LFNG: variants seen among roughly 807,000 people sequenced by gnomAD.
The protein encoded by LFNG is LFNG O-fucosylpeptide 3-beta-N-acetylglucosaminyltransferase, also known as beta-1,3-N-acetylglucosaminyltransferase lunatic fringe.
A neutral mutation model predicts 32.7 loss-of-function variants in LFNG; 15 were observed. The ratio of observed to expected loss-of-function variants is 0.46; its 90% CI spans 0.31 to 0.71. The LOEUF (loss-of-function observed/expected upper bound fraction) is 0.71, where lower values mean the gene tolerates loss of function less well. LFNG is among the 30% of genes least tolerant of loss of function. The pLI is 0.06. For synonymous variants in LFNG, 274 were observed against 246.8 expected (o/e 1.11, Z -1.03); for missense variants, 520 against 545.7 (o/e 0.95, Z 0.47).
chr7:2,525,982 G>T (rs528427835), intron 5 of LFNG, among the ~76,000 whole-genome samples: 1 of 152,304 alleles, frequency 6.6e-6, no homozygotes, highest in South Asian at 2.1e-4. Flanking sequence ...AGCAGCCAGG[G>T]GGGCGATGAG....
At chr7:2,528,700 G>T (rs2128378893), downstream of LFNG, among the ~76,000 whole-genome samples, 1 of 152,312 alleles carries the variant, frequency 6.6e-6, no homozygotes, top group Admixed American at 6.5e-5. Flanking sequence ...GGATGCTGGG[G>T]GCTCTAGGTC....
At chr7:2,516,655 C>T (rs1172438766), upstream of LFNG, among the ~76,000 whole-genome samples, 1 of 152,200 alleles carries the variant, frequency 6.6e-6, no homozygotes, top group African/African-American at 2.4e-5. Flanking sequence ...CGTGGGCCTG[C>T]TTTCCACCTG....
At chr7:2,518,611 G>A (rs202093877), upstream of LFNG, 202 of 1,611,012 alleles carry the variant, frequency 1.3e-4, no homozygotes, top group Non-Finnish European at 1.6e-4. Flanking sequence ...AAGGAGAGGG[G>A]CTCCAAGGGC....
chr7:2,527,355 C>T lies in LFNG; in HGVS notation c.*143C>T. The T allele has an allele frequency of 7.2e-6, 10 of 1,396,812 alleles. No homozygotes were observed. The highest frequency in any genetic ancestry group is 1.4e-5 in the South Asian group (1 of 70,514). 86.5% of individuals were successfully genotyped at this position (1,396,812 alleles called of 1,614,324 possible). A position where few individuals can be genotyped will look rare whatever the true frequency, so the allele number is the denominator to read the frequency against. ...GCGTGTGCGTGTGTGTGTGTGTGTA[C>T]TGCATGCCCACCCGGGTAGCAGGCT... is the stretch of plus-strand genomic sequence containing the variant. On this transcript the variant is annotated 3_prime_UTR_variant, in exon 8 of 8. Coordinates refer to ENST00000222725, the MANE Select transcript of LFNG (RefSeq NM_001040167.2). This position sits in a 1 kb window ranked among gnomAD's most constrained non-coding sequence, Gnocchi z 4.4.
At chr7:2,522,812 G>A (rs1779831028) in intron 1 of LFNG, among the ~76,000 whole-genome samples, 1 of 152,264 alleles carries the variant, frequency 6.6e-6, no homozygotes, top group Non-Finnish European at 1.5e-5. Context: ...GTCAGGGAGA[G>A]GAAGGGAGAG....
downstream of LFNG, chr7:2,528,968 G>A (rs117649295): frequency 1.7e-3 from 842 of 490,170 alleles, 18 homozygotes; most frequent in East Asian, 0.024. Context: ...CAGGCAGGCC[G>A]TGGGTCCGGC....
rs142924518 is a variant in LFNG at position 2,526,441 on chromosome 7, C to T, written c.987+32C>T. On this transcript the variant is annotated intron_variant, in intron 6 of 7. Coordinates refer to ENST00000222725, the MANE Select transcript of LFNG (RefSeq NM_001040167.2). The surrounding 1 kb of genome is among the most constrained non-coding windows in gnomAD (Gnocchi z 6.9). Reference sequence around the variant, plus strand: ...CATCCTCCGGGCCCCGCCAGGACTCCGAGAGCACAGGAAGGGACGTGTGGC... The same window carrying T: ...CATCCTCCGGGCCCCGCCAGGACTCTGAGAGCACAGGAAGGGACGTGTGGC... 2.2e-3 allele frequency: 3,488 copies of T among 1,601,036 alleles called. 5 individuals are homozygous for T. Among genetic ancestry groups the T allele is most frequent in the Non-Finnish European group, 2.8e-3 (3,293 of 1,179,028 alleles).
chr7:2,526,495 A>G lies in LFNG; in HGVS notation c.987+86A>G. On this transcript the variant is annotated intron_variant, in intron 6 of 7. Coordinates refer to ENST00000222725, the MANE Select transcript of LFNG (RefSeq NM_001040167.2). This position sits in a 1 kb window ranked among gnomAD's most constrained non-coding sequence, Gnocchi z 6.9. The stretch of plus-strand genomic sequence containing the variant: ...CGAGAGGGGCGCAGTGGGGTGGGGC[A>G]CTGTTCTAAACAGGGAGGCCAGGCA... 1 of 1,443,728 alleles carries G rather than the reference A, an allele frequency of 6.9e-7. No individual in the cohort carries two copies. Among genetic ancestry groups the G allele is most frequent in the African/African-American group, 1.4e-5 (1 of 71,724 alleles). 89.4% of individuals were successfully genotyped at this position (1,443,728 alleles called of 1,614,324 possible).
chr7:2,525,236 A>G lies in LFNG; in HGVS notation c.499A>G (p.Asn167Asp). ...GTCCACAGGCAACGTGGTCATCACA[A>G]ACTGCTCGGCCGCCCACAGCCGCCA... ...ARHTGNVVITNCSAAHSRQAL... is the reference protein window; with the variant it reads ...ARHTGNVVITDCSAAHSRQAL... The change falls in exon 3 of 8, where the codon AAC (asparagine) becomes GAC (aspartate). Residue 167 changes from asparagine to aspartate, a missense_variant. Physicochemically the swap from Asn to Asp is conservative, Grantham distance 23. Transcript: ENST00000222725. The G allele has an allele frequency of 1.2e-6, 2 of 1,612,868 alleles. No individual in the cohort carries two copies. The highest frequency in any genetic ancestry group is 1.7e-6 in the Non-Finnish European group (2 of 1,179,880).
intron 1 of LFNG, among the ~76,000 whole-genome samples, chr7:2,522,884 A>G (rs1007527884): frequency 1.3e-5 from 2 of 152,196 alleles, no homozygotes; most frequent in African/African-American, 4.8e-5. Context: ...TTTACTGAAG[A>G]CGAGACTGAG....
chr7:2,519,557 G>A (rs1008812244), upstream of LFNG, among the ~76,000 whole-genome samples: 23 of 151,038 alleles, frequency 1.5e-4, no homozygotes, highest in Non-Finnish European at 2.7e-4. Context: ...GGGGCTACCC[G>A]GGGCGGGGGG....
In LFNG at chr7:2,526,138, G is replaced by C. The variant is rs1268825653; in HGVS notation, c.822-106G>C. 2.4e-6 allele frequency: 3 copies of C among 1,236,280 alleles called. No homozygotes were observed. Among genetic ancestry groups the C allele is most frequent in the Non-Finnish European group, 3.5e-6 (3 of 867,498 alleles). The allele number at this position is 1,236,280 out of a possible 1,614,324, so 76.6% of individuals were successfully genotyped here. A position where few individuals can be genotyped will look rare whatever the true frequency, so the allele number is the denominator to read the frequency against. On this transcript the variant is annotated intron_variant, in intron 5 of 7. Coordinates refer to ENST00000222725, the MANE Select transcript of LFNG (RefSeq NM_001040167.2). The surrounding 1 kb of genome is among the most constrained non-coding windows in gnomAD (Gnocchi z 6.9). ...GCTGCAGCCCAGAGCTCTCCTCAGG[G>C]CTCCTCTCCCTGAGGAGTGCAGCGC...
downstream of LFNG, chr7:2,528,859 C>G (rs750627247): frequency 1.7e-6 from 1 of 588,788 alleles, no homozygotes; most frequent in Admixed American, 3.1e-5. Context: ...TCCACATCAT[C>G]GCCTCACTTT....
intron 1 of LFNG, 73 bp from the exon 2 acceptor site, chr7:2,524,622 C>A: frequency 7.0e-7 from 1 of 1,435,542 alleles, no homozygotes; most frequent in Non-Finnish European, 9.6e-7. Context: ...CAGGGCGCCC[C>A]GTCCGGCCCC....
In LFNG at chr7:2,526,250, T is replaced by A. The variant is rs1174447245; in HGVS notation, c.828T>A (p.Gly276=). 1 of 1,612,116 alleles carries A rather than the reference T, an allele frequency of 6.2e-7. No homozygotes were observed. The highest frequency in any genetic ancestry group is 1.3e-5 in the African/African-American group (1 of 74,700). ...ALKMSPWASG[G]HFMNTAERIR... Reference sequence around the variant, plus strand: ...GGGCCCTTCCCTCCCGCAGCGGGGGTCACTTCATGAATACGGCTGAGCGGA... The same window carrying A: ...GGGCCCTTCCCTCCCGCAGCGGGGGACACTTCATGAATACGGCTGAGCGGA... Residue 276 remains glycine (G), a synonymous_variant, in exon 6 of 8, where the codon GGT becomes GGA. Transcript: ENST00000222725. The surrounding 1 kb of genome is among the most constrained non-coding windows in gnomAD (Gnocchi z 6.9).
chr7:2,513,469 T>A (rs538576437), upstream of LFNG: 3 of 1,017,176 alleles, frequency 2.9e-6, no homozygotes, highest in Admixed American at 8.7e-5. Context: ...GAGCCTGGGA[T>A]CAGGGAGGTA....
Position 2,521,550 on chromosome 7 carries a change from GC to G in LFNG, c.432+1264del, listed in dbSNP as rs1401830734. Among the ~76,000 whole-genome samples, 9 of 152,270 alleles carry G rather than the reference GC, an allele frequency of 5.9e-5. No homozygotes were observed. In the South Asian group the frequency reaches 8.3e-4, roughly 14 times the overall value. ...TGCCTGGCGATGAGGGGACCAGCGG[GC>G]CCCCCCAGCATCTCTTACTGACAGT... On this transcript the variant is annotated intron_variant, in intron 1 of 7. Coordinates refer to ENST00000222725, the MANE Select transcript of LFNG (RefSeq NM_001040167.2).
rs1169285660 is a variant in LFNG, at chr7:2,526,176, G to A, written c.822-68G>A. The A allele has an allele frequency of 7.0e-6, 11 of 1,570,868 alleles. No individual in the cohort carries two copies. In the Admixed American group the frequency reaches 1.5e-4, roughly 22 times the overall value. The stretch of plus-strand genomic sequence containing the variant: ...AGGAGTGCAGCGCCTTTGCCTGGTG[G>A]GGCCTCCCCAGCTCCCAGCAGATGG... On this transcript the variant is annotated intron_variant, in intron 5 of 7. Transcript: ENST00000222725. The surrounding 1 kb of genome is among the most constrained non-coding windows in gnomAD (Gnocchi z 6.9).
upstream of LFNG, among the ~76,000 whole-genome samples, chr7:2,517,297 GC>G (rs1583269696): frequency 6.6e-6 from 1 of 152,180 alleles, no homozygotes; most frequent in Non-Finnish European, 1.5e-5. Flanking sequence ...AAAGCCTGCG[GC>G]CCCCACAAGA....
Sources: allele counts gnomAD v4.1 joint callset (sites outside exome capture counted in the v4.1 genomes callset), GRCh38; gene constraint gnomAD v4.1.1; non-coding constraint Gnocchi (gnomAD v3.1); transcripts MANE v1.5; gene names NCBI Gene and HGNC (gene_info 2026-07-23, HGNC 2026-07-21).